The following QTMAN variants were observed in gnomAD, a reference collection of about 807,000 sequenced individuals.
QTMAN encodes the protein queuosine-tRNA mannosyltransferase.
At chr2:144,207,912 C>T in the QTMAN span, among the ~76,000 whole-genome samples, 4 of 152,082 alleles carry the variant, frequency 2.6e-5, no homozygotes, top group Admixed American at 2.6e-4. Context: ...GGCTGGAGTG[C>T]AGTGGCTGGC....
the QTMAN span, among the ~76,000 whole-genome samples, chr2:144,286,695 C>T: frequency 1.3e-5 from 2 of 152,088 alleles, no homozygotes; most frequent in Non-Finnish European, 2.9e-5. Flanking sequence ...CAGTGTTCCC[C>T]CAGAATATAT....
chr2:144,133,266 A>C, the QTMAN span, among the ~76,000 whole-genome samples: 146 of 34,652 alleles, frequency 4.2e-3, no homozygotes, highest in Middle Eastern at 0.056. Context: ...AATATATATA[A>C]ATATATATTT....
chr2:144,199,309 A>G, the QTMAN span, among the ~76,000 whole-genome samples: 8,869 of 152,234 alleles, frequency 0.058, 358 homozygotes, highest in South Asian at 0.16. Context: ...TCGGATTCCC[A>G]AAGTATTGGG....
the QTMAN span, chr2:144,319,817 G>A: frequency 6.6e-6 from 1 of 152,112 alleles, no homozygotes; most frequent in Admixed American, 6.5e-5. Flanking sequence ...ATTTGAACCT[G>A]CTGCAGATGT....
chr2:143,997,068 G>C, the QTMAN span, among the ~76,000 whole-genome samples: 1 of 151,982 alleles, frequency 6.6e-6, no homozygotes, highest in Non-Finnish European at 1.5e-5. Flanking sequence ...GAAAAAACTG[G>C]TAAGAAGTGG....
chr2:144,112,349 G>A, the QTMAN span, among the ~76,000 whole-genome samples: 1 of 152,172 alleles, frequency 6.6e-6, no homozygotes, highest in Non-Finnish European at 1.5e-5. Context: ...TCTAATAAGT[G>A]GAGACAAGAA....
the QTMAN span, among the ~76,000 whole-genome samples, chr2:144,310,729 A>G: frequency 6.6e-6 from 1 of 152,248 alleles, no homozygotes; most frequent in African/African-American, 2.4e-5. Flanking sequence ...GATGACTCCA[A>G]CGTTTTTGGT....
chr2:143,981,949 A>G, the QTMAN span, among the ~76,000 whole-genome samples: 1 of 152,198 alleles, frequency 6.6e-6, no homozygotes, highest in South Asian at 2.1e-4. Context: ...ATGATATCAA[A>G]AAGAAAAAGT....
chr2:143,966,400 C>G, the QTMAN span, among the ~76,000 whole-genome samples: 2 of 152,214 alleles, frequency 1.3e-5, no homozygotes, highest in Admixed American at 1.3e-4. Context: ...GAACAAAGCA[C>G]TGGAGTGGGA....
At chr2:144,232,042 G>T in the QTMAN span, among the ~76,000 whole-genome samples, 1 of 151,986 alleles carries the variant, frequency 6.6e-6, no homozygotes, top group African/African-American at 2.4e-5. Context: ...TTGACCTAAA[G>T]ATTTAATTCA....
chr2:143,992,799 A>T, the QTMAN span, among the ~76,000 whole-genome samples: 1 of 152,192 alleles, frequency 6.6e-6, no homozygotes, highest in Admixed American at 6.5e-5. Context: ...ATATGTGGGT[A>T]AGTTTGTATA....
At chr2:144,145,542 G>C in the QTMAN span, 2 of 1,545,982 alleles carry the variant, frequency 1.3e-6, no homozygotes, top group Non-Finnish European at 1.8e-6. Flanking sequence ...GTAGCAAAGG[G>C]CCAAATATAA....
the QTMAN span, chr2:144,127,915 T>C: frequency 6.6e-6 from 1 of 151,982 alleles, no homozygotes; most frequent in Admixed American, 6.6e-5. Flanking sequence ...TCCCATACTC[T>C]GAACTGACCA....
chr2:144,269,209 C>G, the QTMAN span, among the ~76,000 whole-genome samples: 1 of 152,160 alleles, frequency 6.6e-6, no homozygotes. Flanking sequence ...TTCACCGTTA[C>G]TTTTAATTCA....
chr2:143,997,857 C>T, the QTMAN span, among the ~76,000 whole-genome samples: 1 of 151,984 alleles, frequency 6.6e-6, no homozygotes. Flanking sequence ...ACCTTAAGTG[C>T]CTTGATTTCC....
the QTMAN span, among the ~76,000 whole-genome samples, chr2:144,277,044 C>A: frequency 6.6e-6 from 1 of 152,086 alleles, no homozygotes; most frequent in South Asian, 2.1e-4. Context: ...CAGTACTTCT[C>A]AAATCAGAAA....
chr2:144,130,274 G>T, the QTMAN span, among the ~76,000 whole-genome samples: 1 of 151,846 alleles, frequency 6.6e-6, no homozygotes, highest in Non-Finnish European at 1.5e-5. Flanking sequence ...GGCCAAAAGT[G>T]CAGAAGACCC....
At chr2:143,986,288 A>G in the QTMAN span, among the ~76,000 whole-genome samples, 3 of 152,224 alleles carry the variant, frequency 2.0e-5, no homozygotes, top group African/African-American at 4.8e-5. Context: ...TTTGGCCTCA[A>G]AAAAATATAT....
At chr2:144,126,879 C>A in the QTMAN span, among the ~76,000 whole-genome samples, 4 of 151,968 alleles carry the variant, frequency 2.6e-5, no homozygotes, top group Admixed American at 6.6e-5. Context: ...CTAATGTAAT[C>A]TTTTTGGTAA....
Sources: allele counts gnomAD v4.1 joint callset (sites outside exome capture counted in the v4.1 genomes callset), GRCh38; gene constraint gnomAD v4.1.1; transcripts MANE v1.5; gene names NCBI Gene and HGNC (gene_info 2026-07-23, HGNC 2026-07-21).